The following MRPL13 variants were observed in gnomAD, a reference collection of about 807,000 sequenced individuals.
MRPL13 encodes the protein large ribosomal subunit protein uL13m.
MRPL13 carries 33 observed loss-of-function variants against 29.0 expected under a neutral mutation model. The ratio of observed to expected loss-of-function variants is 1.14; its 90% CI spans 0.86 to 1.52. The LOEUF is 1.52. MRPL13 is among the 40% of genes most tolerant of loss of function. The pLI is 0.00. For synonymous variants in MRPL13, 77 were observed against 68.4 expected (o/e 1.13, Z -0.62); for missense variants, 227 against 216.7 (o/e 1.05, Z -0.30).
intron 6 of MRPL13, among the ~76,000 whole-genome samples, chr8:120,403,418 G>A (rs1053659867): frequency 1.9e-4 from 29 of 152,192 alleles, no homozygotes; most frequent in African/African-American, 5.3e-4. Context: ...ATGTTCTCAC[G>A]TATGGGAGCT....
chr8:120,419,833 C>G lies in MRPL13; in HGVS notation c.393+19G>C. 1 of 1,556,644 alleles carries G rather than the reference C, an allele frequency of 6.4e-7. No homozygotes were observed. Among genetic ancestry groups the G allele is most frequent in the South Asian group, 1.2e-5 (1 of 80,620 alleles). On this transcript the variant is annotated intron_variant, in intron 5 of 6. Transcript: ENST00000306185. ...TGAAAATTTTGGAAAAGCATTGTTA[C>G]CAATGACCACTGACTTACCTCATCT... is the stretch of plus-strand genomic sequence containing the variant.
At chr8:120,402,162 T>A (rs951538196) in intron 6 of MRPL13, among the ~76,000 whole-genome samples, 3 of 152,198 alleles carry the variant, frequency 2.0e-5, no homozygotes, top group Non-Finnish European at 2.9e-5. Flanking sequence ...TTAAAATTCA[T>A]ATGGAACCAA....
chr8:120,405,129 T>C (rs1423858654), intron 6 of MRPL13, among the ~76,000 whole-genome samples: 4 of 152,200 alleles, frequency 2.6e-5, no homozygotes, highest in African/African-American at 7.2e-5. Context: ...GTTAAGATAG[T>C]GGCACAGCTG....
chr8:120,407,071 C>T (rs1188128236), intron 6 of MRPL13, among the ~76,000 whole-genome samples: 1 of 152,116 alleles, frequency 6.6e-6, no homozygotes, highest in Non-Finnish European at 1.5e-5. Context: ...CATACGCATC[C>T]CTATGCAAAA....
At chr8:120,409,771 C>A (rs1812720966) in intron 6 of MRPL13, among the ~76,000 whole-genome samples, 1 of 151,758 alleles carries the variant, frequency 6.6e-6, no homozygotes, top group Non-Finnish European at 1.5e-5. Context: ...GCAATAGTAC[C>A]CATAGTATAT....
intron 2 of MRPL13, among the ~76,000 whole-genome samples, chr8:120,439,989 T>A (rs1348062897): frequency 6.6e-6 from 1 of 152,228 alleles, no homozygotes; most frequent in Non-Finnish European, 1.5e-5. Context: ...TAACAAACAT[T>A]TCTTACATTC....
intron 2 of MRPL13, 142 bp downstream of exon 2, chr8:120,443,043 G>T: frequency 2.3e-6 from 2 of 859,752 alleles, no homozygotes; most frequent in South Asian, 4.4e-5. Context: ...TTGGGCGCTA[G>T]TATGGTTTCA....
intron 5 of MRPL13, among the ~76,000 whole-genome samples, chr8:120,418,167 CTTGT>C (rs146788103): frequency 0.019 from 2,891 of 151,952 alleles, 91 homozygotes; most frequent in African/African-American, 0.067. Context: ...TCTTTTTTAC[CTTGT>C]TTGTTTTCAC....
chr8:120,442,145 T>C (rs1490341269), intron 2 of MRPL13, among the ~76,000 whole-genome samples: 4 of 152,142 alleles, frequency 2.6e-5, no homozygotes, highest in Non-Finnish European at 2.9e-5. Context: ...AAAATGCAAA[T>C]TGAAATCACA....
chr8:120,442,247 G>A (rs898642816), intron 2 of MRPL13, among the ~76,000 whole-genome samples: 1 of 152,170 alleles, frequency 6.6e-6, no homozygotes, highest in Non-Finnish European at 1.5e-5. Flanking sequence ...GGAAACTCTT[G>A]CATGCTACTG....
chr8:120,417,920 C>T (rs568244803), intron 5 of MRPL13, among the ~76,000 whole-genome samples: 1 of 152,128 alleles, frequency 6.6e-6, no homozygotes, highest in East Asian at 1.9e-4. Flanking sequence ...TCTACTGTTG[C>T]TGTCATTTTA....
intron 4 of MRPL13, among the ~76,000 whole-genome samples, chr8:120,424,329 A>G (rs1462433176): frequency 6.6e-6 from 1 of 151,922 alleles, no homozygotes; most frequent in Non-Finnish European, 1.5e-5. Context: ...GAAAAAAAAT[A>G]AAAAATAAAT....
At chr8:120,419,631 CTTACTT>C in intron 5 of MRPL13, 2 of 295,962 alleles carry the variant, frequency 6.8e-6, no homozygotes, top group Non-Finnish European at 1.2e-5. Context: ...TTTTTAAAAA[CTTACTT>C]TTAATTTTTA....
In MRPL13 at chr8:120,432,028, A is replaced by G. The variant is rs1813001666; in HGVS notation, c.245+2T>C. 1 of 1,590,458 alleles carries G rather than the reference A, an allele frequency of 6.3e-7. No individual in the cohort carries two copies. The highest frequency in any genetic ancestry group is 1.1e-5 in the South Asian group (1 of 87,420). On this transcript the variant is annotated splice_donor_variant, in intron 3 of 6. Transcript: ENST00000306185. LOFTEE classifies it high-confidence loss of function. ...ATTTCCCTGACAACAGCATTATCTT[A>G]CCCAGTATGCGAAGAGTATACTTTT...
intron 4 of MRPL13, among the ~76,000 whole-genome samples, chr8:120,421,435 T>C (rs1315227687): frequency 2.0e-5 from 3 of 151,826 alleles, no homozygotes; most frequent in Admixed American, 6.6e-5. Flanking sequence ...TCCAATACTG[T>C]ACTAATAATC....
At chr8:120,421,905 T>A (rs891423921) in intron 4 of MRPL13, among the ~76,000 whole-genome samples, 8 of 151,808 alleles carry the variant, frequency 5.3e-5, no homozygotes, top group African/African-American at 1.9e-4. Context: ...TGTTAACAGC[T>A]GTGATATATA....
intron 6 of MRPL13, among the ~76,000 whole-genome samples, chr8:120,398,936 A>C (rs1040768006): frequency 1.5e-4 from 23 of 149,386 alleles, no homozygotes; most frequent in Admixed American, 1.3e-3. Context: ...CACACACACA[A>C]ACACACACAC....
chr8:120,405,646 C>A (rs543746014), intron 6 of MRPL13, among the ~76,000 whole-genome samples: 16 of 152,272 alleles, frequency 1.1e-4, no homozygotes, highest in African/African-American at 3.4e-4. Context: ...GAGATGACTC[C>A]ATTTGATACA....
In MRPL13 at chr8:120,425,309, C is replaced by T; in HGVS notation, c.303G>A (p.Val101=). 6.2e-7 allele frequency: 1 copy of T among 1,611,102 alleles called. No homozygotes were observed. Among genetic ancestry groups the T allele is most frequent in the Non-Finnish European group, 8.5e-7 (1 of 1,177,856 alleles). Residue 101 remains valine, a synonymous_variant, in exon 4 of 7, where the codon GTG becomes GTA. Transcript: ENST00000306185. ...ATAAAAAATACAAGAAACTTACTGCCACTGGATCCCTCAGGTGAAGCTGAG... is the reference window on the plus strand; with the variant it reads ...ATAAAAAATACAAGAAACTTACTGCTACTGGATCCCTCAGGTGAAGCTGAG... ...TAAQLHLRDP[V]AIVKLAIYGM...
Sources: allele counts gnomAD v4.1 joint callset (sites outside exome capture counted in the v4.1 genomes callset), GRCh38; gene constraint gnomAD v4.1.1; transcripts MANE v1.5; gene names NCBI Gene and HGNC (gene_info 2026-07-23, HGNC 2026-07-21).